Variants in SPATA13 observed in about 807,000 individuals in gnomAD.
SPATA13 encodes the protein spermatogenesis associated 13.
Under a neutral mutation model 104.0 loss-of-function variants are expected in SPATA13, and 50 were observed. That is an observed-to-expected ratio of 0.48 (90% CI 0.38 to 0.61). The LOEUF is 0.61. Ranked by LOEUF, SPATA13 falls within the 20% of genes least tolerant of loss-of-function variation. SPATA13 has a pLI of 0.00. For missense variants in SPATA13, 1,524 were observed against 1,690.6 expected (o/e 0.90, Z 1.73); for synonymous variants, 606 against 667.5 (o/e 0.91, Z 1.42).
chr13:24,066,418 G>A (rs1281647563), intron 3 of SPATA13, among the ~76,000 whole-genome samples: 5 of 152,170 alleles, frequency 3.3e-5, no homozygotes, highest in African/African-American at 1.2e-4. Context: ...CATACGGCCC[G>A]GAGGTGAGAC....
rs1593436548 is a variant in SPATA13 at position 24,224,561 on chromosome 13, A to C, written c.1632A>C (p.Pro544=). Residue 544 remains proline, a synonymous_variant, in exon 2 of 13, where the codon CCA becomes CCC. Coordinates refer to ENST00000382108, the MANE Select transcript of SPATA13 (RefSeq NM_001166271.3). The part of the protein sequence containing the change: ...LLVNIGVAAG[P]EEKEKEEVVP... Reference sequence around the variant, plus strand: ...TGAACATTGGTGTGGCAGCCGGCCCAGAAGAAAAGGAGAAGGAGGAGGTAA... The same window carrying C: ...TGAACATTGGTGTGGCAGCCGGCCCCGAAGAAAAGGAGAAGGAGGAGGTAA... 2 of 1,539,698 alleles carry C rather than the reference A, an allele frequency of 1.3e-6. No individual in the cohort carries two copies. Among genetic ancestry groups the C allele is most frequent in the Non-Finnish European group, 1.7e-6 (2 of 1,146,886 alleles).
At position 24,011,946 on chromosome 13, in the gene SPATA13, C is replaced by T. The variant is rs912870; in HGVS notation, c.-146-5721C>T. Among the ~76,000 whole-genome samples the T allele has an allele frequency of 0.22, 34,120 of 152,182 alleles. 4,917 individuals carry two copies. The highest frequency in any genetic ancestry group is 0.31 in the Non-Finnish European group (21,057 of 67,986). Reference sequence around the variant, plus strand: ...GAGGCTTCAATGTGCACCTCCGCCTCCCCCTACGGATTGTAAAACTCACAG... The same window carrying T: ...GAGGCTTCAATGTGCACCTCCGCCTTCCCCTACGGATTGTAAAACTCACAG... On this transcript the variant is annotated intron_variant, in intron 2 of 14. Transcript: ENST00000424834. This position sits in a 1 kb window ranked among gnomAD's most constrained non-coding sequence, Gnocchi z 4.3.
rs572244315 is a variant in SPATA13 at position 24,200,940 on chromosome 13, G to C, written c.-111-21879G>C. ...ATATTGACAGAATGTGTCTGATTAC[G>C]TCCTTGTTCTTTTTTTTCCCCCTCA... On this transcript the variant is annotated intron_variant, in intron 1 of 12. Coordinates refer to ENST00000382108, the MANE Select transcript of SPATA13 (RefSeq NM_001166271.3). 2.0e-5 allele frequency among the ~76,000 whole-genome samples: 3 copies of C among 149,090 alleles called. No individual in the cohort carries two copies. The Admixed American group carries it at 2.0e-4, about 10-fold the overall frequency.
At chr13:24,030,555 C>T (rs1476716081) in intron 3 of SPATA13, among the ~76,000 whole-genome samples, 1 of 152,156 alleles carries the variant, frequency 6.6e-6, no homozygotes, top group African/African-American at 2.4e-5. Flanking sequence ...AATATTAAAG[C>T]CCCAGCCCCA....
intron 3 of SPATA13, among the ~76,000 whole-genome samples, chr13:24,037,888 C>A (rs574479888): frequency 7.9e-5 from 12 of 151,968 alleles, no homozygotes; most frequent in Admixed American, 1.3e-4. Context: ...TCCTTTCCCC[C>A]CAGTAAAAGG....
chr13:24,127,989 T>A (rs1213962580), intron 3 of SPATA13, among the ~76,000 whole-genome samples: 1 of 152,228 alleles, frequency 6.6e-6, no homozygotes, highest in East Asian at 1.9e-4. Context: ...TGCTCTGTAA[T>A]TCAAGGGCTA....
intron 4 of SPATA13, among the ~76,000 whole-genome samples, chr13:24,283,793 A>G (rs945993641): frequency 6.6e-6 from 1 of 152,238 alleles, no homozygotes; most frequent in Non-Finnish European, 1.5e-5. Context: ...TCAGCTTTCC[A>G]GCACATTGCT....
intron 3 of SPATA13, among the ~76,000 whole-genome samples, chr13:24,110,079 G>T (rs763424264): frequency 1.3e-5 from 2 of 150,048 alleles, no homozygotes; most frequent in Non-Finnish European, 1.5e-5. Context: ...TCCATTTTTG[G>T]CTGACTTTAT....
At chr13:24,295,625 A>G (rs541826218) in intron 10 of SPATA13, among the ~76,000 whole-genome samples, 4 of 151,666 alleles carry the variant, frequency 2.6e-5, no homozygotes, top group Non-Finnish European at 5.9e-5. Context: ...AAAAAAAGGA[A>G]AGACCACAAA....
intron 3 of SPATA13, among the ~76,000 whole-genome samples, chr13:24,084,820 G>C (rs1164550025): frequency 6.6e-6 from 1 of 152,106 alleles, no homozygotes; most frequent in African/African-American, 2.4e-5. Context: ...CCAGAAGTTC[G>C]AGACCAGCCT....
intron 1 of SPATA13, among the ~76,000 whole-genome samples, chr13:24,210,766 GTTT>G (rs58789886): frequency 9.1e-4 from 125 of 137,466 alleles, no homozygotes; most frequent in East Asian, 2.5e-3. Flanking sequence ...GAATTTTAGG[GTTT>G]TTTTTTTTTT....
chr13:24,102,786 T>G (rs1456674774), intron 3 of SPATA13, among the ~76,000 whole-genome samples: 1 of 152,212 alleles, frequency 6.6e-6, no homozygotes, highest in Non-Finnish European at 1.5e-5. Flanking sequence ...TTCACAGAAA[T>G]TTTTTAAGTT....
intron 3 of SPATA13, among the ~76,000 whole-genome samples, chr13:24,049,984 T>C (rs1878284810): frequency 1.3e-5 from 2 of 152,306 alleles, no homozygotes; most frequent in East Asian, 3.9e-4. Context: ...GCAATTCTCC[T>C]GCCTCAGCCT....
At chr13:24,298,790 AC>A (rs1266983755) in intron 11 of SPATA13, among the ~76,000 whole-genome samples, 4 of 152,182 alleles carry the variant, frequency 2.6e-5, no homozygotes, top group African/African-American at 9.7e-5. Flanking sequence ...GGTCTCACCC[AC>A]AGGAGGTTTT....
At chr13:24,055,134 G>A (rs909081354) in intron 3 of SPATA13, among the ~76,000 whole-genome samples, 1 of 152,246 alleles carries the variant, frequency 6.6e-6, no homozygotes, top group Non-Finnish European at 1.5e-5. Flanking sequence ...ATGGCACAGA[G>A]CGATCAGCCT....
intron 1 of SPATA13, among the ~76,000 whole-genome samples, chr13:24,169,254 G>A (rs1199062833): frequency 6.6e-6 from 1 of 152,194 alleles, no homozygotes; most frequent in Admixed American, 6.5e-5. Flanking sequence ...GATGGAACAC[G>A]AATGGTGTGC....
At chr13:23,985,263 G>A (rs566168480) in intron 2 of SPATA13, among the ~76,000 whole-genome samples, 1 of 152,200 alleles carries the variant, frequency 6.6e-6, no homozygotes, top group East Asian at 1.9e-4. Flanking sequence ...TGCTGACAGG[G>A]GCATGAAATG....
At chr13:24,289,838 G>A (rs1195252272) in intron 8 of SPATA13, among the ~76,000 whole-genome samples, 3 of 152,232 alleles carry the variant, frequency 2.0e-5, no homozygotes, top group Non-Finnish European at 2.9e-5. Flanking sequence ...CTAGGGAACA[G>A]TAAGAGTAAT....
intron 3 of SPATA13, among the ~76,000 whole-genome samples, chr13:24,109,585 A>T (rs1880570973): frequency 6.6e-6 from 1 of 152,174 alleles, no homozygotes; most frequent in Admixed American, 6.5e-5. Context: ...ATAGAGATAG[A>T]GGCAGAGGTA....
Sources: gnomAD v4.1 joint callset for allele counts (sites outside exome capture counted in the v4.1 genomes callset) on GRCh38, gnomAD v4.1.1 for gene constraint, Gnocchi (gnomAD v3.1) non-coding constraint, MANE v1.5 for transcripts, NCBI Gene and HGNC (gene_info 2026-07-23, HGNC 2026-07-21) for gene names.